The following MDFIC2 variants were observed in gnomAD, a reference collection of about 807,000 sequenced individuals.
MDFIC2 encodes the protein MyoD family inhibitor domain containing 2.
At chr3:70,214,799 T>C (rs1441627005) in intron 2 of MDFIC2, among the ~76,000 whole-genome samples, 1 of 152,082 alleles carries the variant, frequency 6.6e-6, no homozygotes, top group Non-Finnish European at 1.5e-5. Flanking sequence ...TTTGCAATTA[T>C]GAGTCTCCAT....
chr3:70,201,402 T>C (rs1342412699), intron 3 of MDFIC2, among the ~76,000 whole-genome samples: 1 of 152,128 alleles, frequency 6.6e-6, no homozygotes, highest in Non-Finnish European at 1.5e-5. Context: ...GCTGTGTAGT[T>C]CTCCATGGTA....
At chr3:70,205,177 C>T (rs1317393445) in intron 3 of MDFIC2, 1 of 152,010 alleles carries the variant, frequency 6.6e-6, no homozygotes, top group African/African-American at 2.4e-5. Flanking sequence ...CATAACACTC[C>T]TGGTCTCTGG....
At chr3:70,285,584 G>A (rs896695800) in intron 2 of MDFIC2, among the ~76,000 whole-genome samples, 33 of 151,736 alleles carry the variant, frequency 2.2e-4, no homozygotes, top group Non-Finnish European at 1.3e-4. Flanking sequence ...GTAATGGGAT[G>A]GCTGTGTCAA....
intron 2 of MDFIC2, among the ~76,000 whole-genome samples, chr3:70,211,107 A>G (rs1170863004): frequency 6.6e-6 from 1 of 152,074 alleles, no homozygotes; most frequent in Non-Finnish European, 1.5e-5. Context: ...AAAGCATTCA[A>G]ATGATGAATA....
Position 70,267,578 on chromosome 3 carries a change from AT to A in MDFIC2, c.88+44307del, listed in dbSNP as rs377637066. On this transcript the variant is annotated intron_variant, in intron 2 of 3. Transcript: ENST00000567252. Reference sequence around the variant, plus strand: ...CCACCATGCCCGGCTAATTTTTTGTATTTTTTTTTTTTTTTTTTTAGTAAAG... The same window carrying A: ...CCACCATGCCCGGCTAATTTTTTGTATTTTTTTTTTTTTTTTTTAGTAAAG... Among the ~76,000 whole-genome samples the A allele has an allele frequency of 4.1e-3, 541 of 132,764 alleles. 5 individuals are homozygous for A. The highest frequency in any genetic ancestry group is 0.015 in the African/African-American group (514 of 34,910). The allele number at this position is 132,764 out of a possible 152,430, so 87.1% of individuals were successfully genotyped here. A position where few individuals can be genotyped will look rare whatever the true frequency, so the allele number is the denominator to read the frequency against.
At chr3:70,236,606 T>C (rs1372045577) in intron 2 of MDFIC2, among the ~76,000 whole-genome samples, 1 of 152,138 alleles carries the variant, frequency 6.6e-6, no homozygotes, top group African/African-American at 2.4e-5. Flanking sequence ...AGAAAACTTT[T>C]TTTTTCTGAG....
intron 2 of MDFIC2, among the ~76,000 whole-genome samples, chr3:70,273,380 T>C (rs1336459164): frequency 6.6e-6 from 1 of 152,186 alleles, no homozygotes; most frequent in Non-Finnish European, 1.5e-5. Flanking sequence ...AGACCTTTAA[T>C]CCAAAGGGAA....
intron 2 of MDFIC2, among the ~76,000 whole-genome samples, chr3:70,273,325 T>C (rs1456164236): frequency 1.3e-5 from 2 of 152,212 alleles, no homozygotes; most frequent in African/African-American, 2.4e-5. Context: ...TATGTGTTTA[T>C]ATAGTACTTA....
At position 70,202,520 on chromosome 3, in the gene MDFIC2, C is replaced by T. The variant is rs567658435; in HGVS notation, c.310+4049G>A. On this transcript the variant is annotated intron_variant, in intron 3 of 3. Coordinates refer to ENST00000567252, the MANE Select transcript of MDFIC2 (RefSeq NM_001364677.1). Reference sequence around the variant, plus strand: ...GTCACAAGTTCTTTGTATATTAAATCTCCTCTATAGAACACCTGGCATCCT... The same window carrying T: ...GTCACAAGTTCTTTGTATATTAAATTTCCTCTATAGAACACCTGGCATCCT... Among the ~76,000 whole-genome samples the T allele has an allele frequency of 1.1e-4, 16 of 152,250 alleles. No individual in the cohort carries two copies. In the South Asian group the frequency reaches 3.3e-3, roughly 32 times the overall value.
intron 2 of MDFIC2, among the ~76,000 whole-genome samples, chr3:70,235,026 T>C (rs899457886): frequency 3.9e-5 from 6 of 152,326 alleles, no homozygotes; most frequent in African/African-American, 1.2e-4. Flanking sequence ...TGAGAACCTC[T>C]GCCCCAAAGA....
chr3:70,224,413 C>T (rs950023640), intron 2 of MDFIC2, among the ~76,000 whole-genome samples: 2 of 152,194 alleles, frequency 1.3e-5, no homozygotes, highest in African/African-American at 4.8e-5. Flanking sequence ...TCTAGAAGCC[C>T]TTTGGATGGG....
At chr3:70,207,481 A>T (rs1246510568) in intron 2 of MDFIC2, among the ~76,000 whole-genome samples, 1 of 152,034 alleles carries the variant, frequency 6.6e-6, no homozygotes, top group Non-Finnish European at 1.5e-5. Flanking sequence ...CTTGACTGAA[A>T]TTCTGGTTTG....
At chr3:70,281,386 T>A (rs74815431) in intron 2 of MDFIC2, among the ~76,000 whole-genome samples, 1,856 of 152,306 alleles carry the variant, frequency 0.012, 15 homozygotes, top group Non-Finnish European at 0.021. Flanking sequence ...GGTACGATCA[T>A]AAGCTTCAGA....
At chr3:70,238,516 T>C (rs2106639765) in intron 2 of MDFIC2, among the ~76,000 whole-genome samples, 1 of 151,888 alleles carries the variant, frequency 6.6e-6, no homozygotes, top group Non-Finnish European at 1.5e-5. Flanking sequence ...GGAAAGCAGA[T>C]GTAGGAGATC....
At chr3:70,247,100 T>C (rs34324736) in intron 2 of MDFIC2, among the ~76,000 whole-genome samples, 50,365 of 151,794 alleles carry the variant, frequency 0.33, 10,896 homozygotes, top group Non-Finnish European at 0.48. Flanking sequence ...ACCAAGCGCA[T>C]GGTAGAAGAT....
At chr3:70,215,839 C>A (rs530835086) in intron 2 of MDFIC2, among the ~76,000 whole-genome samples, 2 of 152,114 alleles carry the variant, frequency 1.3e-5, no homozygotes, top group Non-Finnish European at 2.9e-5. Context: ...TTTCAGTTGA[C>A]AATGGACTCA....
intron 2 of MDFIC2, among the ~76,000 whole-genome samples, chr3:70,211,664 T>C (rs1365888216): frequency 2.0e-4 from 22 of 109,720 alleles, no homozygotes; most frequent in South Asian, 1.1e-3. Flanking sequence ...TTCCCTTCCC[T>C]TTCCCTTCCC....
intron 2 of MDFIC2, among the ~76,000 whole-genome samples, chr3:70,221,912 A>C (rs1025370569): frequency 1.3e-5 from 2 of 152,180 alleles, no homozygotes; most frequent in Admixed American, 1.3e-4. Context: ...ATAGATAATG[A>C]GTGTTAGTAC....
chr3:70,224,287 A>G (rs1034414559), intron 2 of MDFIC2, among the ~76,000 whole-genome samples: 1 of 152,228 alleles, frequency 6.6e-6, no homozygotes, highest in Non-Finnish European at 1.5e-5. Context: ...CAGTCCTCCA[A>G]GCACACTGCA....
Sources: allele counts gnomAD v4.1 joint callset (sites outside exome capture counted in the v4.1 genomes callset), GRCh38; gene constraint gnomAD v4.1.1; transcripts MANE v1.5; gene names NCBI Gene and HGNC (gene_info 2026-07-23, HGNC 2026-07-21).